Variants in NKAIN2 observed in about 807,000 individuals in gnomAD.
NKAIN2 encodes the protein sodium/potassium transporting ATPase interacting 2, also known as sodium/potassium-transporting ATPase subunit beta-1-interacting protein 2.
In NKAIN2, 14 loss-of-function variants were observed where a neutral mutation model predicts 32.6. The ratio of observed to expected loss-of-function variants is 0.43; its 90% CI spans 0.28 to 0.67. NKAIN2 has a LOEUF of 0.67. Ranked by LOEUF, NKAIN2 falls within the 30% of genes least tolerant of loss-of-function variation. The pLI, the probability that NKAIN2 is intolerant of heterozygous loss-of-function variation, is 0.17. For synonymous variants in NKAIN2, 80 were observed against 87.2 expected (o/e 0.92, Z 0.46); for missense variants, 198 against 258.3 (o/e 0.77, Z 1.60).
chr6:124,520,835 T>G (rs760056966), intron 3 of NKAIN2, among the ~76,000 whole-genome samples: 8 of 152,206 alleles, frequency 5.3e-5, no homozygotes, highest in South Asian at 2.1e-4. Context: ...TATATGCCCT[T>G]TGTTGGCATG....
At chr6:124,405,993 A>C (rs1180397730) in intron 3 of NKAIN2, among the ~76,000 whole-genome samples, 1 of 118,070 alleles carries the variant, frequency 8.5e-6, no homozygotes, top group Admixed American at 8.3e-5. Flanking sequence ...CCCTTTACCC[A>C]ATTCATTCAT....
At chr6:123,829,353 G>A (rs553915347) in intron 1 of NKAIN2, 1 of 152,220 alleles carries the variant, frequency 6.6e-6, no homozygotes, top group African/African-American at 2.4e-5. Flanking sequence ...GTGTCTCAAA[G>A]GCTTATCAAA....
chr6:124,391,868 G>T (rs575808801), intron 3 of NKAIN2, among the ~76,000 whole-genome samples: 7 of 152,216 alleles, frequency 4.6e-5, no homozygotes, highest in South Asian at 2.1e-4. Flanking sequence ...AAGTCAGAGT[G>T]TGGACTTCAT....
At chr6:124,492,071 TA>T (rs1308074423) in intron 3 of NKAIN2, among the ~76,000 whole-genome samples, 2 of 152,060 alleles carry the variant, frequency 1.3e-5, no homozygotes, top group East Asian at 1.9e-4. Context: ...AGAATAAAGG[TA>T]AAAGAAGACC....
At chr6:124,147,281 T>G (rs1410102795) in intron 1 of NKAIN2, among the ~76,000 whole-genome samples, 1 of 152,196 alleles carries the variant, frequency 6.6e-6, no homozygotes. Context: ...AGTGTTCAGG[T>G]CATCCCTCAC....
chr6:123,847,242 A>G (rs1225879789), intron 1 of NKAIN2, among the ~76,000 whole-genome samples: 1 of 152,252 alleles, frequency 6.6e-6, no homozygotes, highest in Non-Finnish European at 1.5e-5. Context: ...TTCTGAATAT[A>G]TGCAGTGCCA....
intron 1 of NKAIN2, among the ~76,000 whole-genome samples, chr6:124,116,401 G>A (rs1230471995): frequency 6.6e-6 from 1 of 151,988 alleles, no homozygotes; most frequent in Non-Finnish European, 1.5e-5. Context: ...GGCTATCGCG[G>A]GAACAGCATG....
intron 1 of NKAIN2, among the ~76,000 whole-genome samples, chr6:124,121,585 GGAACTATCA>G (rs1309518505): frequency 6.6e-6 from 1 of 152,020 alleles, no homozygotes; most frequent in Non-Finnish European, 1.5e-5. Flanking sequence ...TCAGATTTCA[GGAACTATCA>G]GAATTGAAAT....
intron 4 of NKAIN2, among the ~76,000 whole-genome samples, chr6:124,696,766 C>A (rs1774517470): frequency 7.2e-6 from 1 of 138,844 alleles, no homozygotes; most frequent in Non-Finnish European, 1.6e-5. Flanking sequence ...GTAAAAGGAT[C>A]TATTTTTTTT....
chr6:124,255,035 A>G (rs2114821019), intron 1 of NKAIN2, among the ~76,000 whole-genome samples: 1 of 152,336 alleles, frequency 6.6e-6, no homozygotes, highest in South Asian at 2.1e-4. Flanking sequence ...ATAGTGAACT[A>G]GTAGAGTCCG....
intron 3 of NKAIN2, among the ~76,000 whole-genome samples, chr6:124,416,609 A>G (rs1015085893): frequency 6.6e-6 from 1 of 152,186 alleles, no homozygotes; most frequent in Non-Finnish European, 1.5e-5. Context: ...ACTGCACTCT[A>G]GCCTGGGTGA....
At chr6:124,292,775 C>T (rs2626115) in intron 2 of NKAIN2, among the ~76,000 whole-genome samples, 44,983 of 151,894 alleles carry the variant, frequency 0.3, 9,154 homozygotes, top group African/African-American at 0.58. Context: ...TAGGCAGACT[C>T]TCATCCCTAT....
chr6:124,355,642 T>A (rs1304614653), intron 3 of NKAIN2, among the ~76,000 whole-genome samples: 1 of 152,138 alleles, frequency 6.6e-6, no homozygotes, highest in Non-Finnish European at 1.5e-5. Context: ...TGAATTTTTT[T>A]CAGAGAAAAA....
intron 1 of NKAIN2, among the ~76,000 whole-genome samples, chr6:124,183,313 G>A (rs998353866): frequency 7.2e-5 from 11 of 152,046 alleles, no homozygotes; most frequent in African/African-American, 2.7e-4. Context: ...GTTACTAAGT[G>A]CTTGTCTATT....
At chr6:124,804,027 C>T (rs1459504973) in intron 5 of NKAIN2, among the ~76,000 whole-genome samples, 2 of 152,088 alleles carry the variant, frequency 1.3e-5, no homozygotes, top group Non-Finnish European at 2.9e-5. Flanking sequence ...GAAATTAAGG[C>T]TCAGAGCAAT....
Position 124,333,762 on chromosome 6 carries a change from AG to A in NKAIN2, c.193-21504del, listed in dbSNP as rs1797759331. 2.0e-5 allele frequency among the ~76,000 whole-genome samples: 3 copies of A among 152,292 alleles called. No individual in the cohort carries two copies. The South Asian group carries it at 6.2e-4, about 32-fold the overall frequency. On this transcript the variant is annotated intron_variant, in intron 2 of 6. Coordinates refer to ENST00000368417, the MANE Select transcript of NKAIN2 (RefSeq NM_001040214.3). ...CACACTTTGTTGGTATTTTATTTGT[AG>A]TTCAAAGCTTGCACTTAAGAACTAA... is the stretch of plus-strand genomic sequence containing the variant.
At chr6:123,946,133 G>A (rs1777051896) in intron 1 of NKAIN2, among the ~76,000 whole-genome samples, 1 of 152,090 alleles carries the variant, frequency 6.6e-6, no homozygotes, top group Non-Finnish European at 1.5e-5. Context: ...GCACAACAAT[G>A]CTGCTCTAGT....
intron 4 of NKAIN2, among the ~76,000 whole-genome samples, chr6:124,758,053 T>C (rs1300648944): frequency 2.0e-5 from 3 of 152,254 alleles, no homozygotes; most frequent in Non-Finnish European, 2.9e-5. Context: ...GTGAATTAAA[T>C]TGACAAGAGA....
At chr6:124,706,720 C>A (rs1169036183) in intron 4 of NKAIN2, among the ~76,000 whole-genome samples, 1 of 152,112 alleles carries the variant, frequency 6.6e-6, no homozygotes, top group African/African-American at 2.4e-5. Context: ...CAACATGGCA[C>A]CTAATCGTCA....
Sources: gnomAD v4.1 joint callset for allele counts (sites outside exome capture counted in the v4.1 genomes callset) on GRCh38, gnomAD v4.1.1 for gene constraint, MANE v1.5 for transcripts, NCBI Gene and HGNC (gene_info 2026-07-23, HGNC 2026-07-21) for gene names.